TMPRSS15: variants seen among roughly 807,000 people sequenced by gnomAD.
TMPRSS15 encodes the protein transmembrane serine protease 15.
Under a neutral mutation model 125.3 loss-of-function variants are expected in TMPRSS15, and 128 were observed. That is an observed-to-expected ratio of 1.02 (90% CI 0.89 to 1.18). TMPRSS15 has a LOEUF of 1.18. Among genes scored for constraint, TMPRSS15 ranks in the 50% most tolerant of loss-of-function variants. TMPRSS15 has a pLI of 0.00. For synonymous variants in TMPRSS15, 446 were observed against 423.2 expected (o/e 1.05, Z -0.66); for missense variants, 1,283 against 1,212.7 (o/e 1.06, Z -0.86).
intron 3 of TMPRSS15, among the ~76,000 whole-genome samples, chr21:18,394,915 A>G (rs1206792464): frequency 3.3e-5 from 5 of 152,266 alleles, no homozygotes; most frequent in South Asian, 4.1e-4. Flanking sequence ...AGCATTGTCA[A>G]TTCATAGAAG....
intron 6 of TMPRSS15, among the ~76,000 whole-genome samples, chr21:18,369,973 C>CAAAAAAAAAAAAAAAAAAAAAAAAAAAA (rs148057792): frequency 1.5e-5 from 2 of 136,014 alleles, no homozygotes; most frequent in Non-Finnish European, 3.1e-5. Context: ...CTTACTTAAA[C>CAAAAAAAAAAAAAAAAAAAAAAAAAAAA]GAAAAAAAAA....
chr21:18,276,221 T>C (rs1313776433), intron 23 of TMPRSS15, among the ~76,000 whole-genome samples: 2 of 152,154 alleles, frequency 1.3e-5, no homozygotes, highest in Non-Finnish European at 2.9e-5. Flanking sequence ...CACGTGTGTG[T>C]GTAGTTAAAT....
chr21:18,386,649 A>T (rs1437103108), intron 3 of TMPRSS15, among the ~76,000 whole-genome samples: 1 of 152,044 alleles, frequency 6.6e-6, no homozygotes, highest in Non-Finnish European at 1.5e-5. Flanking sequence ...CTCACTTTCC[A>T]AGATAGTTAA....
At chr21:18,451,149 T>C (rs1978334051) in intron 1 of TMPRSS15, among the ~76,000 whole-genome samples, 1 of 152,180 alleles carries the variant, frequency 6.6e-6, no homozygotes, top group Non-Finnish European at 1.5e-5. Flanking sequence ...GTAATACAGT[T>C]CTTCAGTTCC....
intron 12 of TMPRSS15, among the ~76,000 whole-genome samples, chr21:18,342,713 A>G (rs1433960540): frequency 6.6e-6 from 1 of 152,204 alleles, no homozygotes; most frequent in East Asian, 1.9e-4. Context: ...AAGAAGAAGA[A>G]AGAAGGAAAA....
At chr21:18,396,488 C>T (rs976563776) in intron 3 of TMPRSS15, among the ~76,000 whole-genome samples, 1 of 152,054 alleles carries the variant, frequency 6.6e-6, no homozygotes, top group South Asian at 2.1e-4. Flanking sequence ...GAAAATACAT[C>T]TTACAGCTGG....
chr21:18,342,657 T>A (rs1384447450), intron 12 of TMPRSS15, among the ~76,000 whole-genome samples: 3 of 151,914 alleles, frequency 2.0e-5, no homozygotes, highest in South Asian at 2.1e-4. Context: ...CTTCTCTGAA[T>A]TATCAGAAAA....
At chr21:18,343,874 T>C (rs1426323056) in intron 11 of TMPRSS15, 81 bp downstream of exon 11, 3 of 1,364,604 alleles carry the variant, frequency 2.2e-6, no homozygotes, top group African/African-American at 2.9e-5. Context: ...AACATCTTAG[T>C]GAAATATGAG....
intron 7 of TMPRSS15, among the ~76,000 whole-genome samples, chr21:18,362,709 C>T (rs1252618714): frequency 6.6e-6 from 1 of 151,514 alleles, no homozygotes; most frequent in Non-Finnish European, 1.5e-5. Context: ...TTTTATAGAC[C>T]ACTTTTATTG....
chr21:18,329,867 C>G (rs73322100), intron 14 of TMPRSS15, among the ~76,000 whole-genome samples: 26,356 of 151,512 alleles, frequency 0.17, 2,248 homozygotes, highest in Middle Eastern at 0.21. Context: ...CTATTCTTCT[C>G]TCATTCTGTA....
At chr21:18,285,372 C>T (rs1356538813) in intron 21 of TMPRSS15, among the ~76,000 whole-genome samples, 1 of 152,160 alleles carries the variant, frequency 6.6e-6, no homozygotes, top group Non-Finnish European at 1.5e-5. Flanking sequence ...GATAGAGCAT[C>T]ACAACAGGCT....
At chr21:18,419,694 A>G (rs2076188176) in intron 1 of TMPRSS15, among the ~76,000 whole-genome samples, 1 of 152,166 alleles carries the variant, frequency 6.6e-6, no homozygotes, top group Non-Finnish European at 1.5e-5. Context: ...CCAGCCTGGT[A>G]GAAAAGTATC....
At chr21:18,402,512 A>T (rs963655327) in intron 1 of TMPRSS15, among the ~76,000 whole-genome samples, 2 of 133,312 alleles carry the variant, frequency 1.5e-5, no homozygotes, top group East Asian at 4.4e-4. Flanking sequence ...CTGGCGACAG[A>T]GCGAGACTCT....
At chr21:18,468,333 A>G (rs1375740676) in intron 1 of TMPRSS15, among the ~76,000 whole-genome samples, 1 of 152,146 alleles carries the variant, frequency 6.6e-6, no homozygotes. Flanking sequence ...CAACTGCTTT[A>G]TTTCAATTAT....
chr21:18,366,833 A>G (rs1458704413), intron 6 of TMPRSS15, among the ~76,000 whole-genome samples: 1 of 152,132 alleles, frequency 6.6e-6, no homozygotes, highest in African/African-American at 2.4e-5. Flanking sequence ...CTGAGTGTTT[A>G]GAATAAGCTA....
upstream of TMPRSS15, among the ~76,000 whole-genome samples, chr21:18,407,579 T>C (rs1274668787): frequency 1.3e-5 from 2 of 151,848 alleles, no homozygotes; most frequent in Middle Eastern, 3.2e-3. Flanking sequence ...CCTGAGTATA[T>C]GGGGCTAAAG....
intron 3 of TMPRSS15, among the ~76,000 whole-genome samples, chr21:18,391,372 C>G (rs1024538400): frequency 6.6e-6 from 1 of 152,196 alleles, no homozygotes; most frequent in Non-Finnish European, 1.5e-5. Flanking sequence ...TGAATAAATG[C>G]TACCATTCCA....
At chr21:18,335,070 C>T (rs1168412380) in intron 13 of TMPRSS15, among the ~76,000 whole-genome samples, 1 of 152,198 alleles carries the variant, frequency 6.6e-6, no homozygotes, top group African/African-American at 2.4e-5. Flanking sequence ...GAAGAAGGGT[C>T]TACCACAATC....
intron 1 of TMPRSS15, among the ~76,000 whole-genome samples, chr21:18,418,687 C>T (rs1290169598): frequency 1.3e-5 from 2 of 152,238 alleles, no homozygotes; most frequent in South Asian, 4.2e-4. Flanking sequence ...CTACTTATAG[C>T]TGTGTTTTTA....
Sources: allele counts gnomAD v4.1 joint callset (sites outside exome capture counted in the v4.1 genomes callset), GRCh38; gene constraint gnomAD v4.1.1; transcripts MANE v1.5; gene names NCBI Gene and HGNC (gene_info 2026-07-23, HGNC 2026-07-21).